ZNF549: variants seen among roughly 807,000 people sequenced by gnomAD.
The protein encoded by ZNF549 is zinc finger protein 549.
Under a neutral mutation model 11.1 loss-of-function variants are expected in ZNF549, and 11 were observed. The observed-to-expected ratio is 0.99, with a 90% confidence interval of 0.62 to 1.64. The LOEUF (loss-of-function observed/expected upper bound fraction) is 1.64. Ranked by LOEUF, ZNF549 falls within the 40% of genes most tolerant of loss-of-function variation. The pLI, the probability that ZNF549 is intolerant of heterozygous loss-of-function variation, is 0.00. For missense variants in ZNF549, 748 were observed against 765.1 expected (o/e 0.98, Z 0.26); for synonymous variants, 266 against 269.1 (o/e 0.99, Z 0.11).
rs541465113 is a variant in ZNF549 at position 57,529,779 on chromosome 19, C to T, written c.34-1291C>T. ...TGGGCGCCCGTAGTCCCAGCTACTC[C>T]GGAGGCTGAGGCAGGAGAATGGTGT... On this transcript the variant is annotated intron_variant, in intron 1 of 3. Transcript: ENST00000376233. Among the ~76,000 whole-genome samples the T allele has an allele frequency of 2.4e-3, 360 of 152,008 alleles. 1 individual carries two copies. The highest frequency in any genetic ancestry group is 0.014 in the Middle Eastern group (4 of 294).
Position 57,538,340 on chromosome 19 carries a change from G to A in ZNF549, c.1336G>A (p.Val446Met), listed in dbSNP as rs767461091. The A allele has an allele frequency of 4.3e-6, 7 of 1,614,012 alleles. No homozygotes were observed. The highest frequency in any genetic ancestry group is 5.9e-6 in the Non-Finnish European group (7 of 1,179,992). ...QRIHTGEKPY[V>M]CIICGKSFIR... ...AATTCATACTGGAGAAAAGCCTTAT[G>A]TGTGCATCATATGTGGGAAATCATT... The change falls in exon 4 of 4, where the codon GTG becomes ATG. Residue 446 changes from valine (V) to methionine (M), a missense_variant. Physicochemically the swap from Val to Met is conservative, Grantham distance 21. Transcript: ENST00000376233.
chr19:57,529,365 G>C (rs938120080), intron 1 of ZNF549, among the ~76,000 whole-genome samples: 1 of 152,130 alleles, frequency 6.6e-6, no homozygotes, highest in Admixed American at 6.5e-5. Flanking sequence ...GTTTATAAAT[G>C]AGGCAGTATA....
intron 1 of ZNF549, among the ~76,000 whole-genome samples, chr19:57,530,203 G>A (rs2360751): frequency 0.78 from 118,527 of 152,006 alleles, 46,545 homozygotes; most frequent in South Asian, 0.9. Context: ...TTTGAACTTT[G>A]AGCCCCACCT....
intron 2 of ZNF549, 138 bp from the exon 3 acceptor site, chr19:57,535,006 T>C: frequency 9.1e-7 from 1 of 1,098,406 alleles, no homozygotes; most frequent in Non-Finnish European, 1.3e-6. Context: ...GATTCCATGA[T>C]GTAAGGCCCA....
chr19:57,528,530 G>T (rs980735650), intron 1 of ZNF549, among the ~76,000 whole-genome samples: 4 of 152,204 alleles, frequency 2.6e-5, no homozygotes, highest in Admixed American at 2.0e-4. Flanking sequence ...GAGGCTGGAG[G>T]CTGGGAAAGT....
Position 57,528,233 on chromosome 19 carries a change from C to T in ZNF549, c.33+627C>T, listed in dbSNP as rs921022230. On this transcript the variant is annotated intron_variant, in intron 1 of 3. Coordinates refer to ENST00000376233, the MANE Select transcript of ZNF549 (RefSeq NM_001199295.2). ...AGCAAAAGTGGGAGTGAAGTATGAT[C>T]CCAAGTTTTTCTTTTACCTGAACAT... 3.9e-5 allele frequency among the ~76,000 whole-genome samples: 6 copies of T among 152,102 alleles called. No individual in the cohort carries two copies. The East Asian group carries it at 5.8e-4, about 15-fold the overall frequency.
intron 3 of ZNF549, among the ~76,000 whole-genome samples, chr19:57,536,892 C>G (rs1453020595): frequency 6.6e-6 from 1 of 152,104 alleles, no homozygotes; most frequent in Non-Finnish European, 1.5e-5. Flanking sequence ...GAATTTGAGA[C>G]CAGCCTCGAC....
intron 3 of ZNF549, among the ~76,000 whole-genome samples, chr19:57,536,578 A>G (rs1345994537): frequency 6.6e-6 from 1 of 152,194 alleles, no homozygotes; most frequent in Non-Finnish European, 1.5e-5. Flanking sequence ...GGGGTGACAC[A>G]CATTCTATGC....
intron 3 of ZNF549, among the ~76,000 whole-genome samples, chr19:57,536,902 C>T (rs1330445868): frequency 6.6e-6 from 1 of 152,086 alleles, no homozygotes; most frequent in Admixed American, 6.5e-5. Flanking sequence ...CCAGCCTCGA[C>T]AACATAATGA....
In ZNF549 at chr19:57,537,465, A is replaced by G. The variant is rs778528537; in HGVS notation, c.461A>G (p.Asp154Gly). The G allele has an allele frequency of 3.6e-5, 58 of 1,614,118 alleles. No homozygotes were observed. In the East Asian group the frequency reaches 1.3e-3, roughly 35 times the overall value. The change falls in exon 4 of 4, where the codon GAC becomes GGC. Residue 154 changes from aspartate to glycine, a missense_variant. Transcript: ENST00000376233. ...GSNLQQHQNQ[D>G]SGEKHIRKEE... ...AACCTGCAACAGCACCAGAACCAGG[A>G]CAGTGGAGAGAAACACATCAGAAAG...
Position 57,539,812 on chromosome 19 carries a change from C to G in ZNF549, c.*885C>G, listed in dbSNP as rs1279687674. ...GTAGGTAGGTCACTGGTTGTAAGAC[C>G]TACTGGGGCCAGGTAAGAACAGTAA... On this transcript the variant is annotated 3_prime_UTR_variant, in exon 4 of 4. Coordinates refer to ENST00000376233, the MANE Select transcript of ZNF549 (RefSeq NM_001199295.2). 1 of 152,140 alleles carries G rather than the reference C, an allele frequency of 6.6e-6. No homozygotes were observed. The highest frequency in any genetic ancestry group is 6.5e-5 in the Admixed American group (1 of 15,276). The allele number at this position is 152,140 out of a possible 1,614,324, so 9.4% of individuals were successfully genotyped here. A position where few individuals can be genotyped will look rare whatever the true frequency, so the allele number is the denominator to read the frequency against.
Position 57,537,194 on chromosome 19 carries a change from A to G in ZNF549, c.200-10A>G, listed in dbSNP as rs1224895747. On this transcript the variant is annotated splice_polypyrimidine_tract_variant and intron_variant, in intron 3 of 3. Coordinates refer to ENST00000376233, the MANE Select transcript of ZNF549 (RefSeq NM_001199295.2). ...CTGCATATACTTCACTTGCATTTTT[A>G]TGCTTTTAGGTTGTTTGCATGGAAT... The G allele has an allele frequency of 6.2e-7, 1 of 1,600,504 alleles. No individual in the cohort carries two copies. Among genetic ancestry groups the G allele is most frequent in the Non-Finnish European group, 8.5e-7 (1 of 1,172,614 alleles).
rs753427383 is a variant in ZNF549 at position 57,535,148 on chromosome 19, A to G, written c.77A>G (p.His26Arg). 7 of 1,613,966 alleles carry G rather than the reference A, an allele frequency of 4.3e-6. No homozygotes were observed. Among genetic ancestry groups the G allele is most frequent in the Non-Finnish European group, 5.9e-6 (7 of 1,179,870 alleles). Reference sequence around the variant, plus strand: ...TCATCTGCCCCCATCATGCAGGGCCATGTGACCTTTGAGGATATTGCTGTG... The same window carrying G: ...TCATCTGCCCCCATCATGCAGGGCCGTGTGACCTTTGAGGATATTGCTGTG... ...TEEFVKPSQG[H>R]VTFEDIAVYF... Residue 26 changes from histidine to arginine, a missense_variant, in exon 3 of 4, where the codon CAT (histidine) becomes CGT (arginine). Coordinates refer to ENST00000376233, the MANE Select transcript of ZNF549 (RefSeq NM_001199295.2).
Position 57,538,852 on chromosome 19 carries a change from T to G in ZNF549, c.1848T>G (p.Gly616=), listed in dbSNP as rs1389807297. 2 of 1,613,118 alleles carry G rather than the reference T, an allele frequency of 1.2e-6. No individual in the cohort carries two copies. Among genetic ancestry groups the G allele is most frequent in the African/African-American group, 2.7e-5 (2 of 74,898 alleles). Reference sequence around the variant, plus strand: ...CCGGAGAAAAGCCGTATGAATGTGGTAAATGTGGGAAAGCCTTCAACAAAA... The same window carrying G: ...CCGGAGAAAAGCCGTATGAATGTGGGAAATGTGGGAAAGCCTTCAACAAAA... ...IHTGEKPYEC[G]KCGKAFNKRY... The change falls in exon 4 of 4, where the codon GGT becomes GGG. Residue 616 remains glycine, a synonymous_variant. Transcript: ENST00000376233.
At chr19:57,535,021 C>A in intron 2 of ZNF549, 123 bp from the exon 3 acceptor site, 1 of 1,306,106 alleles carries the variant, frequency 7.7e-7, no homozygotes, top group Non-Finnish European at 1.0e-6. Flanking sequence ...GGCCCAGAGC[C>A]CAGTGGGAGA....
At chr19:57,527,969 C>G (rs2089886486) in intron 1 of ZNF549, among the ~76,000 whole-genome samples, 1 of 152,060 alleles carries the variant, frequency 6.6e-6, no homozygotes, top group Non-Finnish European at 1.5e-5. Flanking sequence ...AAGGAGAACA[C>G]GATCTGAGTG....
chr19:57,537,046 T>C (rs776687340), intron 3 of ZNF549, among the ~76,000 whole-genome samples, 158 bp from the exon 4 acceptor site: 1 of 152,198 alleles, frequency 6.6e-6, no homozygotes, highest in African/African-American at 2.4e-5. Flanking sequence ...CAGTGAGATA[T>C]GACTGCAACT....
At chr19:57,529,901 A>AAAATAAATAAAT (rs376810192) in intron 1 of ZNF549, among the ~76,000 whole-genome samples, 6 of 151,800 alleles carry the variant, frequency 4.0e-5, no homozygotes, top group African/African-American at 1.5e-4. Context: ...ATAAATAAAT[A>AAAATAAATAAAT]AAATAAATAA....
Position 57,528,045 on chromosome 19 carries a change from T to C in ZNF549, c.33+439T>C, listed in dbSNP as rs140303302. On this transcript the variant is annotated intron_variant, in intron 1 of 3. Coordinates refer to ENST00000376233, the MANE Select transcript of ZNF549 (RefSeq NM_001199295.2). ...ACAGACTGTTACGGAGTGATGGGGG[T>C]GGACGCAGGGATACTGGTGAGGAGA... 1.5e-4 allele frequency among the ~76,000 whole-genome samples: 23 copies of C among 151,646 alleles called. No individual in the cohort carries two copies. In the East Asian group the frequency reaches 4.5e-3, roughly 29 times the overall value.
Sources: allele counts gnomAD v4.1 joint callset (sites outside exome capture counted in the v4.1 genomes callset), GRCh38; gene constraint gnomAD v4.1.1; transcripts MANE v1.5; gene names NCBI Gene and HGNC (gene_info 2026-07-23, HGNC 2026-07-21).